The following GRIK3 variants were observed in gnomAD, a reference collection of about 807,000 sequenced individuals.
The protein encoded by GRIK3 is glutamate ionotropic receptor kainate type subunit 3.
GRIK3 carries 29 observed loss-of-function variants against 102.5 expected under a neutral mutation model. The observed-to-expected ratio is 0.28, with a 90% CI of 0.21 to 0.39. The LOEUF (loss-of-function observed/expected upper bound fraction) is 0.39. Among genes scored for constraint, GRIK3 ranks in the 10% least tolerant of loss-of-function variants. The probability of loss-of-function intolerance (pLI) is 1.00; values close to 1 mark genes in which losing one functional copy is unlikely to be tolerated. For synonymous variants in GRIK3, 511 were observed against 504.9 expected, an observed-to-expected ratio of 1.01 and a Z score of -0.16; for missense variants, 908 against 1,252.4, an observed-to-expected ratio of 0.73 and a Z score of 4.15.
At chr1:36,876,949 A>T (rs1003064963) in intron 3 of GRIK3, among the ~76,000 whole-genome samples, 1 of 152,238 alleles carries the variant, frequency 6.6e-6, no homozygotes, top group African/African-American at 2.4e-5. Context: ...TTAAATATTG[A>T]AGGAAAGAGT....
Position 36,825,747 on chromosome 1 carries a change from G to A in GRIK3, c.1610C>T (p.Thr537Ile), listed in dbSNP as rs758010779. Residue 537 changes from threonine (T) to isoleucine (I), a missense_variant, in exon 11 of 16, where the codon ACA (threonine) becomes ATA (isoleucine). Physicochemically the swap from Thr to Ile is moderately conservative, Grantham distance 89. Around this residue, in one of 3 missense-constraint regions of GRIK3, gnomAD observed 585 missense variants for 824.9 expected, o/e 0.71. Coordinates refer to ENST00000373091, the MANE Select transcript of GRIK3 (RefSeq NM_000831.4). ...TCGATACAGGATGCTCACACCAAGT[G>A]TCATGAAGGGCTTGGAGAAGTCGAT... ...KAIDFSKPFM[T>I]LGVSILYRKP... 1 of 1,614,096 alleles carries A rather than the reference G, an allele frequency of 6.2e-7. No individual in the cohort carries two copies. Among genetic ancestry groups the A allele is most frequent in the South Asian group, 1.1e-5 (1 of 91,062 alleles).
At chr1:36,865,793 C>A (rs976800577) in intron 5 of GRIK3, among the ~76,000 whole-genome samples, 3 of 152,230 alleles carry the variant, frequency 2.0e-5, no homozygotes, top group Non-Finnish European at 4.4e-5. Context: ...GTGCCTGATG[C>A]CAGGTTTCCC....
intron 1 of GRIK3, among the ~76,000 whole-genome samples, chr1:37,020,873 G>A (rs545573353): frequency 6.6e-5 from 10 of 152,292 alleles, no homozygotes; most frequent in African/African-American, 2.4e-4. Context: ...GCTCTCCGTG[G>A]TGCTGAACAC....
At chr1:36,995,327 C>T (rs1385184875) in intron 1 of GRIK3, among the ~76,000 whole-genome samples, 2 of 152,224 alleles carry the variant, frequency 1.3e-5, no homozygotes, top group South Asian at 2.1e-4. Flanking sequence ...CCCTTGGGCA[C>T]CTTTGTTTTG....
chr1:37,030,784 T>C (rs767651242), intron 1 of GRIK3, among the ~76,000 whole-genome samples: 1 of 151,966 alleles, frequency 6.6e-6, no homozygotes, highest in Non-Finnish European at 1.5e-5. Context: ...TACAATGGCA[T>C]AACAGTGCCC....
At chr1:36,893,250 C>T (rs1456733611) in intron 1 of GRIK3, among the ~76,000 whole-genome samples, 1 of 152,018 alleles carries the variant, frequency 6.6e-6, no homozygotes, top group Non-Finnish European at 1.5e-5. Context: ...AAATTACAAA[C>T]ACAAACTTGA....
intron 10 of GRIK3, among the ~76,000 whole-genome samples, chr1:36,837,675 A>T (rs1570752407): frequency 6.6e-6 from 1 of 151,932 alleles, no homozygotes. Flanking sequence ...TCGGTTCAGC[A>T]CCCGAGACTC....
In GRIK3 at chr1:36,805,029, G is replaced by T. The variant is rs1368665569; in HGVS notation, c.2523C>A (p.Gly841=). 2.5e-6 allele frequency: 4 copies of T among 1,614,102 alleles called. No individual in the cohort carries two copies. Among genetic ancestry groups the T allele is most frequent in the Non-Finnish European group, 3.4e-6 (4 of 1,180,006 alleles). ...TTTTGCGGAGCTTGTACACAAACTC[G>T]CCCACGGCCACCAGCACAGAGAGGA... ...GLVLSVLVAV[G]EFVYKLRKTA... Residue 841 remains glycine, a synonymous_variant, in exon 15 of 16, where the codon GGC becomes GGA. Coordinates refer to ENST00000373091, the MANE Select transcript of GRIK3 (RefSeq NM_000831.4).
intron 2 of GRIK3, among the ~76,000 whole-genome samples, chr1:36,890,153 A>G (rs1173251682): frequency 6.6e-6 from 1 of 152,120 alleles, no homozygotes; most frequent in African/African-American, 2.4e-5. Context: ...ATCAGCTCTG[A>G]GATTCAGCAG....
chr1:36,957,093 A>G (rs1641919872), intron 1 of GRIK3, among the ~76,000 whole-genome samples: 1 of 152,252 alleles, frequency 6.6e-6, no homozygotes, highest in African/African-American at 2.4e-5. Flanking sequence ...GCTCTGACAA[A>G]CAGCCTCCAG....
intron 2 of GRIK3, among the ~76,000 whole-genome samples, chr1:36,885,990 C>A (rs1157262412): frequency 1.3e-5 from 2 of 152,142 alleles, no homozygotes; most frequent in East Asian, 1.9e-4. Flanking sequence ...AATTGAGCAG[C>A]CCAGAGAATA....
chr1:36,839,123 GC>G (rs1640417380), intron 10 of GRIK3, among the ~76,000 whole-genome samples: 1 of 152,048 alleles, frequency 6.6e-6, no homozygotes, highest in African/African-American at 2.4e-5. Flanking sequence ...GGTGAGGGTG[GC>G]CCAGCCCTGC....
intron 13 of GRIK3, 148 bp downstream of exon 13, chr1:36,816,912 A>C: frequency 1.6e-6 from 1 of 622,870 alleles, no homozygotes; most frequent in East Asian, 2.8e-5. Context: ...AAAGTCAACT[A>C]GTCCAAACAC....
chr1:36,850,430 T>A lies in GRIK3; in HGVS notation c.1213-6A>T. On this transcript the variant is annotated splice_region_variant and splice_polypyrimidine_tract_variant and intron_variant, in intron 8 of 15. Coordinates refer to ENST00000373091, the MANE Select transcript of GRIK3 (RefSeq NM_000831.4). The surrounding 1 kb of genome is among the most constrained non-coding windows in gnomAD (Gnocchi z 4.0). ...GCAGGACTCCACACCCCAACCTGGA[T>A]GGACACAGACAGAAAACAGGGTGCC... 1 of 1,585,424 alleles carries A rather than the reference T, an allele frequency of 6.3e-7. No individual in the cohort carries two copies. Among genetic ancestry groups the A allele is most frequent in the Non-Finnish European group, 8.7e-7 (1 of 1,153,878 alleles).
intron 5 of GRIK3, among the ~76,000 whole-genome samples, chr1:36,864,128 G>A (rs528439072): frequency 5.3e-4 from 80 of 152,126 alleles, no homozygotes; most frequent in African/African-American, 1.7e-3. Flanking sequence ...TTCACCTCTA[G>A]GCTTTTATCT....
At chr1:36,855,562 C>A (rs1201411088) in intron 7 of GRIK3, among the ~76,000 whole-genome samples, 1 of 152,232 alleles carries the variant, frequency 6.6e-6, no homozygotes. Flanking sequence ...AGAAAGTGGG[C>A]TCTGCACAAA....
intron 11 of GRIK3, among the ~76,000 whole-genome samples, chr1:36,822,862 C>T (rs1005765415): frequency 1.3e-5 from 2 of 152,184 alleles, no homozygotes; most frequent in African/African-American, 2.4e-5. Context: ...ACCCCCTGCT[C>T]CCTTCCTGTT....
chr1:36,820,770 A>C (rs967691440), intron 11 of GRIK3, among the ~76,000 whole-genome samples: 1 of 152,178 alleles, frequency 6.6e-6, no homozygotes, highest in Non-Finnish European at 1.5e-5. Context: ...GCGTTATATA[A>C]TTTTTTAGAT....
At chr1:36,956,791 T>TA (rs1445791418) in intron 1 of GRIK3, among the ~76,000 whole-genome samples, 1 of 152,248 alleles carries the variant, frequency 6.6e-6, no homozygotes, top group African/African-American at 2.4e-5. Flanking sequence ...ACATGGTACT[T>TA]ACTGTTCTAT....
Sources: allele counts gnomAD v4.1 joint callset (sites outside exome capture counted in the v4.1 genomes callset), GRCh38; gene constraint gnomAD v4.1.1; regional missense constraint gnomAD v4.1.1; non-coding constraint Gnocchi (gnomAD v3.1); transcripts MANE v1.5; gene names NCBI Gene and HGNC (gene_info 2026-07-23, HGNC 2026-07-21).